The following XPO7 variants were observed in gnomAD, a reference collection of about 807,000 sequenced individuals.
The protein encoded by XPO7 is exportin 7.
A neutral mutation model predicts 144.3 loss-of-function variants in XPO7; 21 were observed. The ratio of observed to expected loss-of-function variants is 0.15; its 90% confidence interval spans 0.10 to 0.21. XPO7 has a LOEUF of 0.21. Among genes scored for constraint, XPO7 ranks in the 10% least tolerant of loss-of-function variants. The pLI, the probability that XPO7 is intolerant of heterozygous loss-of-function variation, is 1.00. For synonymous variants in XPO7, 580 were observed against 499.6 expected (o/e 1.16, Z -2.15); for missense variants, 808 against 1,325.8 (o/e 0.61, Z 6.06).
chr8:21,977,695 G>GTA, intron 7 of XPO7, 75 bp from the exon 8 acceptor site: 1 of 1,366,438 alleles, frequency 7.3e-7, no homozygotes, highest in Non-Finnish European at 1.0e-6. Context: ...GCTCCCTGAT[G>GTA]TATAGTGCTG....
chr8:21,988,578 A>G, intron 15 of XPO7: 1 of 176,250 alleles, frequency 5.7e-6, no homozygotes, highest in Admixed American at 5.6e-5. Context: ...TGGAAAAAGC[A>G]AAGGGGGTCT....
intron 1 of XPO7, among the ~76,000 whole-genome samples, chr8:21,946,877 C>T (rs1811211674): frequency 6.6e-6 from 1 of 152,144 alleles, no homozygotes; most frequent in East Asian, 1.9e-4. Flanking sequence ...ATAAAGACAT[C>T]TCAACAGCAA....
At chr8:21,970,369 AACACACACAC>A (rs140784168) in intron 4 of XPO7, 59 bp downstream of exon 4, 13 of 1,136,048 alleles carry the variant, frequency 1.1e-5, no homozygotes, top group Non-Finnish European at 1.5e-5. Flanking sequence ...CATATATATA[AACACACACAC>A]ACACACACAC....
At chr8:21,971,260 AAC>A (rs1479892507) in intron 4 of XPO7, among the ~76,000 whole-genome samples, 1 of 152,146 alleles carries the variant, frequency 6.6e-6, no homozygotes. Flanking sequence ...ATCCTCTAAT[AAC>A]ACATTTCGTA....
chr8:21,985,649 G>C lies in XPO7; in HGVS notation c.1535G>C (p.Ser512Thr). Residue 512 changes from serine to threonine, a missense_variant, in exon 13 of 28, where the codon AGC becomes ACC. Ser to Thr is a moderately conservative substitution (Grantham distance 58, BLOSUM62 1). This residue lies in a region of XPO7 where 416 missense variants were observed against 612.5 expected (regional missense o/e 0.68). Transcript: ENST00000252512. ...AVIGGRVSFA[S>T]TDEQDAMDGE... ...ATCGGTGGCCGGGTTTCTTTTGCCA[G>C]CACTGATGAGCAAGACGCCATGGAT... is the stretch of plus-strand genomic sequence containing the variant. 6.2e-7 allele frequency: 1 copy of C among 1,613,782 alleles called. No individual in the cohort carries two copies. Among genetic ancestry groups the C allele is most frequent in the Non-Finnish European group, 8.5e-7 (1 of 1,179,882 alleles).
At chr8:21,986,600 A>C (rs1301114793) in intron 13 of XPO7, among the ~76,000 whole-genome samples, 1 of 152,200 alleles carries the variant, frequency 6.6e-6, no homozygotes, top group African/African-American at 2.4e-5. Flanking sequence ...AGTTGAGCAG[A>C]GCTTTAATAA....
intron 1 of XPO7, among the ~76,000 whole-genome samples, chr8:21,945,807 A>G (rs1479843610): frequency 6.6e-6 from 1 of 152,178 alleles, no homozygotes; most frequent in Non-Finnish European, 1.5e-5. Context: ...TTTTTAATGC[A>G]TTGACAAGCT....
chr8:21,933,198 T>G (rs1274448567), intron 1 of XPO7, among the ~76,000 whole-genome samples: 1 of 150,464 alleles, frequency 6.6e-6, no homozygotes. Flanking sequence ...CCTCCTGGGT[T>G]CAAGTGATTC....
At chr8:21,975,526 T>C (rs1812198920) in intron 6 of XPO7, among the ~76,000 whole-genome samples, 1 of 152,234 alleles carries the variant, frequency 6.6e-6, no homozygotes, top group Non-Finnish European at 1.5e-5. Flanking sequence ...TTTGTTCTTA[T>C]TTTCCAACAT....
At chr8:21,981,920 A>G (rs1563331349) in intron 10 of XPO7, 43 bp downstream of exon 10, 1 of 1,604,406 alleles carries the variant, frequency 6.2e-7, no homozygotes, top group South Asian at 1.1e-5. Flanking sequence ...AAATACTGGA[A>G]TCTCTTGCTT....
intron 9 of XPO7, among the ~76,000 whole-genome samples, chr8:21,981,357 T>G (rs73543505): frequency 0.033 from 4,964 of 152,190 alleles, 267 homozygotes; most frequent in African/African-American, 0.11. Flanking sequence ...TAGATTTCCT[T>G]TGATTGGTAA....
intron 1 of XPO7, chr8:21,921,718 G>T (rs563357339): frequency 2.6e-5 from 4 of 152,276 alleles, no homozygotes; most frequent in African/African-American, 9.6e-5. Flanking sequence ...AAACAAAGGG[G>T]AGCATGTTGA....
chr8:21,978,404 T>G (rs929664628), intron 8 of XPO7, among the ~76,000 whole-genome samples: 5 of 152,238 alleles, frequency 3.3e-5, no homozygotes, highest in African/African-American at 1.2e-4. Context: ...CCGGTTGGTG[T>G]TATACACAAA....
chr8:21,976,006 A>G (rs1812211332), intron 6 of XPO7, among the ~76,000 whole-genome samples: 1 of 152,324 alleles, frequency 6.6e-6, no homozygotes, highest in African/African-American at 2.4e-5. Flanking sequence ...CTGTCTAGAA[A>G]TAACTAAGAT....
chr8:21,993,959 C>A (rs1321533622), intron 19 of XPO7, among the ~76,000 whole-genome samples: 35 of 150,906 alleles, frequency 2.3e-4, no homozygotes, highest in African/African-American at 7.6e-4. Flanking sequence ...CTCCGCCCCC[C>A]ACCCTCTCTC....
At position 21,971,949 on chromosome 8, in the gene XPO7, C is replaced by T; in HGVS notation, c.492+8C>T. On this transcript the variant is annotated splice_region_variant and intron_variant, in intron 5 of 27. Coordinates refer to ENST00000252512, the MANE Select transcript of XPO7 (RefSeq NM_015024.5). ...ACCAATGAAATTAATCAAGTAAGTG[C>T]TACAGCCTTCCTCATTGAAGTAAGT... The T allele has an allele frequency of 6.2e-7, 1 of 1,612,482 alleles. No individual in the cohort carries two copies. The highest frequency in any genetic ancestry group is 2.2e-5 in the East Asian group (1 of 44,878).
intron 24 of XPO7, 59 bp downstream of exon 24, chr8:21,999,733 C>T (rs1233943235): frequency 6.2e-7 from 1 of 1,601,162 alleles, no homozygotes; most frequent in Non-Finnish European, 8.5e-7. Flanking sequence ...CTTAACTAAA[C>T]AGAAAGAGAG....
At position 21,919,743 on chromosome 8, in the gene XPO7, G is replaced by T. The variant is rs901428943; in HGVS notation, c.-28G>T. The T allele has an allele frequency of 3.2e-5, 12 of 370,926 alleles. No individual in the cohort carries two copies. The highest frequency in any genetic ancestry group is 1.8e-4 in the Admixed American group (3 of 16,854). The allele number at this position is 370,926 out of a possible 1,614,324, so 23.0% of individuals were successfully genotyped here. A position where few individuals can be genotyped will look rare whatever the true frequency, so the allele number is the denominator to read the frequency against. The stretch of plus-strand genomic sequence containing the variant: ...GAGGTGCGCGCTGGGGGGGAGGGGG[G>T]GCCGGAGAGGAGCATGAATGGAGCA... On this transcript the variant is annotated 5_prime_UTR_variant, in exon 1 of 28. Transcript: ENST00000252512.
At chr8:22,002,676 T>C (rs1462577663) in intron 25 of XPO7, among the ~76,000 whole-genome samples, 1 of 152,114 alleles carries the variant, frequency 6.6e-6, no homozygotes, top group Non-Finnish European at 1.5e-5. Context: ...CACAGAGAGA[T>C]CAAACCATAT....
Sources: gnomAD v4.1 joint callset for allele counts (sites outside exome capture counted in the v4.1 genomes callset) on GRCh38, gnomAD v4.1.1 for gene constraint, gnomAD v4.1.1 regional missense constraint, MANE v1.5 for transcripts, NCBI Gene and HGNC (gene_info 2026-07-23, HGNC 2026-07-21) for gene names.